The following WDFY3 variants were observed in gnomAD, a reference collection of about 807,000 sequenced individuals.
The protein encoded by WDFY3 is WD repeat and FYVE domain containing 3, also known as WD repeat and FYVE domain-containing protein 3.
In WDFY3, 66 loss-of-function variants were observed where a neutral mutation model predicts 409.6. That is an observed-to-expected ratio of 0.16 (90% CI 0.13 to 0.20). WDFY3 has a LOEUF of 0.20. Ranked by LOEUF, WDFY3 falls within the 10% of genes least tolerant of loss-of-function variation. The pLI is 1.00. For synonymous variants in WDFY3, 1,521 were observed against 1,537.1 expected, an observed-to-expected ratio of 0.99 and a Z score of 0.25; for missense variants, 3,031 against 4,298.1, an observed-to-expected ratio of 0.71 and a Z score of 8.24.
In WDFY3 at chr4:84,794,694, G is replaced by C; in HGVS notation, c.3312C>G (p.Ser1104Arg). 1 of 1,613,842 alleles carries C rather than the reference G, an allele frequency of 6.2e-7. No individual in the cohort carries two copies. Among genetic ancestry groups the C allele is most frequent in the Non-Finnish European group, 8.5e-7 (1 of 1,179,944 alleles). Reference sequence around the variant, plus strand: ...AACTAAAATGTTCAATACAAAACCAGCTAGAGTAACTTAAGCCGGAGGGAG... The same window carrying C: ...AACTAAAATGTTCAATACAAAACCACCTAGAGTAACTTAAGCCGGAGGGAG... The part of the protein sequence containing the change: ...FPPPSGLSYS[S>R]WFCIEHFSSP... Residue 1104 changes from serine (S) to arginine (R), a missense_variant, in exon 21 of 68, where the codon AGC becomes AGG. Physicochemically the swap from Ser to Arg is moderately radical, Grantham distance 110. Coordinates refer to ENST00000295888, the MANE Select transcript of WDFY3 (RefSeq NM_014991.6).
At chr4:84,797,946 C>A (rs773076536) in intron 18 of WDFY3, 50 bp downstream of exon 18, 1 of 1,457,458 alleles carries the variant, frequency 6.9e-7, no homozygotes, top group South Asian at 1.2e-5. Context: ...TCATCCCCTA[C>A]ATGATTTTCA....
intron 47 of WDFY3, among the ~76,000 whole-genome samples, chr4:84,720,523 G>A (rs1200156719): frequency 6.6e-6 from 1 of 152,140 alleles, no homozygotes; most frequent in East Asian, 1.9e-4. Flanking sequence ...AGGTGTCTGG[G>A]TCATGGGGGT....
At chr4:84,783,113 A>G in intron 24 of WDFY3, 39 bp from the exon 25 acceptor site, 2 of 1,556,958 alleles carry the variant, frequency 1.3e-6, no homozygotes, top group Admixed American at 1.7e-5. Context: ...ATTATATAAG[A>G]ACAGTTTCAA....
At chr4:84,828,726 GTC>G (rs1755224775) in intron 9 of WDFY3, among the ~76,000 whole-genome samples, 1 of 152,128 alleles carries the variant, frequency 6.6e-6, no homozygotes, top group African/African-American at 2.4e-5. Flanking sequence ...GCGAGATCCT[GTC>G]TCTATGGAAA....
rs753486253 is a variant in WDFY3 at position 84,756,983 on chromosome 4, A to G, written c.5367T>C (p.Pro1789=). The change falls in exon 33 of 68, where the codon CCT becomes CCC. Residue 1789 remains proline, a synonymous_variant. Coordinates refer to ENST00000295888, the MANE Select transcript of WDFY3 (RefSeq NM_014991.6). ...CAGGCACACTGACCTGCAGGTTCTC[A>G]GGCAGCTCACTAACTGGCTGCTGCA... is the stretch of plus-strand genomic sequence containing the variant. ...LFLQQPVSEL[P]ENLQVSVPVI... is the part of the protein sequence containing the mutation. 12 of 1,614,106 alleles carry G rather than the reference A, an allele frequency of 7.4e-6. No homozygotes were observed. In the Admixed American group the frequency reaches 2.0e-4, roughly 27 times the overall value.
Position 84,678,852 on chromosome 4 carries a change from T to C in WDFY3, c.10147+67A>G, listed in dbSNP as rs574707748. On this transcript the variant is annotated intron_variant, in intron 65 of 67. Coordinates refer to ENST00000295888, the MANE Select transcript of WDFY3 (RefSeq NM_014991.6). ...GGGCCCAGGGAGAGCTAGACCCCAC[T>C]GCCTCAATCCACCAACCCTCACACC... The C allele has an allele frequency of 3.2e-5, 49 of 1,523,134 alleles. No individual in the cohort carries two copies. In the South Asian group the frequency reaches 5.6e-4, roughly 17 times the overall value. The allele number at this position is 1,523,134 out of a possible 1,614,324, so 94.4% of individuals were successfully genotyped here.
intron 56 of WDFY3, among the ~76,000 whole-genome samples, chr4:84,699,007 C>T (rs1460385315): frequency 6.6e-6 from 1 of 151,972 alleles, no homozygotes; most frequent in Admixed American, 6.6e-5. Flanking sequence ...TTTTCTTTTA[C>T]ACCATTTACT....
intron 51 of WDFY3, among the ~76,000 whole-genome samples, chr4:84,711,053 G>A (rs1461985562): frequency 1.3e-5 from 2 of 152,128 alleles, no homozygotes; most frequent in African/African-American, 4.8e-5. Context: ...ACAAATTACA[G>A]AATCTCTAGA....
chr4:84,753,660 T>G, intron 35 of WDFY3, 37 bp downstream of exon 35: 1 of 1,512,710 alleles, frequency 6.6e-7, no homozygotes, highest in Non-Finnish European at 8.8e-7. Context: ...TCTGACATTC[T>G]AATTCCAGTT....
intron 1 of WDFY3, chr4:84,965,907 G>C (rs1043323451): frequency 1.3e-5 from 2 of 152,436 alleles, no homozygotes; most frequent in Non-Finnish European, 2.9e-5. Context: ...TCCCGGTTCC[G>C]CTCCGCTCCG....
At chr4:84,853,555 T>G (rs1759334975) in intron 4 of WDFY3, among the ~76,000 whole-genome samples, 1 of 152,172 alleles carries the variant, frequency 6.6e-6, no homozygotes, top group African/African-American at 2.4e-5. Flanking sequence ...TCCTAAGAAT[T>G]AGTATGAGGT....
In WDFY3 at chr4:84,713,160, C is replaced by T; in HGVS notation, c.8041G>A (p.Gly2681Arg). 1 of 1,614,062 alleles carries T rather than the reference C, an allele frequency of 6.2e-7. No individual in the cohort carries two copies. The highest frequency in any genetic ancestry group is 8.5e-7 in the Non-Finnish European group (1 of 1,179,936). Residue 2681 changes from glycine (G) to arginine (R), a missense_variant and splice_region_variant, in exon 51 of 68, where the codon GGA becomes AGA. Physicochemically the swap from Gly to Arg is moderately radical, Grantham distance 125. Around this residue, in one of 16 missense-constraint regions of WDFY3, gnomAD observed 45 missense variants for 121.8 expected, o/e 0.37. Coordinates refer to ENST00000295888, the MANE Select transcript of WDFY3 (RefSeq NM_014991.6). ...GQRPNTSVEQ[G>R]SGLLSTLVGE... ...ACATGCAAGGAACAAACCACCTACC[C>T]CTGCTCCACACTCGTGTTTGGTCGT...
chr4:84,770,920 A>G (rs983013419), intron 30 of WDFY3, among the ~76,000 whole-genome samples: 5 of 152,224 alleles, frequency 3.3e-5, no homozygotes, highest in African/African-American at 9.6e-5. Flanking sequence ...TACACTAACA[A>G]GACTAGCAAT....
At chr4:84,865,616 G>GC (rs1368853107) in intron 3 of WDFY3, among the ~76,000 whole-genome samples, 1 of 152,112 alleles carries the variant, frequency 6.6e-6, no homozygotes, top group South Asian at 2.1e-4. Context: ...TCCACTGACT[G>GC]CCCCCCAACC....
intron 3 of WDFY3, among the ~76,000 whole-genome samples, chr4:84,891,513 T>C (rs1764947646): frequency 1.3e-5 from 2 of 152,266 alleles, no homozygotes; most frequent in Admixed American, 6.5e-5. Flanking sequence ...CACTATTAAA[T>C]TGAAATTTAT....
chr4:84,786,569 G>A (rs575707210), intron 23 of WDFY3, among the ~76,000 whole-genome samples: 16 of 152,302 alleles, frequency 1.1e-4, no homozygotes, highest in African/African-American at 3.8e-4. Context: ...AAGCAGAGGA[G>A]TTATTAATAA....
Position 84,718,768 on chromosome 4 carries a change from C to T in WDFY3, c.7606-198G>A, listed in dbSNP as rs534273497. 5.9e-5 allele frequency among the ~76,000 whole-genome samples: 9 copies of T among 152,316 alleles called. 1 individual carries two copies. The South Asian group carries it at 1.9e-3, about 32-fold the overall frequency. ...AATTCACTCATACCCATCCACTCAT[C>T]TGCCAATCCCATCTCTCTCAATATT... On this transcript the variant is annotated intron_variant, in intron 47 of 67. Transcript: ENST00000295888.
chr4:84,775,815 T>A (rs529635655), intron 27 of WDFY3, among the ~76,000 whole-genome samples: 1 of 151,838 alleles, frequency 6.6e-6, no homozygotes, highest in Non-Finnish European at 1.5e-5. Flanking sequence ...ATGACTGACA[T>A]CTTTAATGTG....
chr4:84,708,588 T>C (rs1366825801), intron 53 of WDFY3, among the ~76,000 whole-genome samples: 1 of 152,024 alleles, frequency 6.6e-6, no homozygotes, highest in Non-Finnish European at 1.5e-5. Context: ...TCACCCAGTC[T>C]GGAATGCAGT....
Sources: gnomAD v4.1 joint callset for allele counts (sites outside exome capture counted in the v4.1 genomes callset) on GRCh38, gnomAD v4.1.1 for gene constraint, gnomAD v4.1.1 regional missense constraint, MANE v1.5 for transcripts, NCBI Gene and HGNC (gene_info 2026-07-23, HGNC 2026-07-21) for gene names.